Variants in NDST4 observed in about 807,000 individuals in gnomAD.
NDST4 encodes N-heparan sulfate sulfotransferase 4.
A neutral mutation model predicts 100.8 loss-of-function variants in NDST4; 63 were observed. The observed-to-expected ratio is 0.62, with a 90% CI of 0.51 to 0.77. The LOEUF is 0.77. Among genes scored for constraint, NDST4 ranks in the 30% least tolerant of loss-of-function variants. NDST4 has a pLI of 0.00. For missense variants in NDST4, 943 were observed against 1,018.4 expected (o/e 0.93, Z 1.01); for synonymous variants, 377 against 361.8 (o/e 1.04, Z -0.48).
chr4:114,900,219 T>C (rs1056698157), intron 6 of NDST4, among the ~76,000 whole-genome samples: 8 of 132,250 alleles, frequency 6.0e-5, no homozygotes, highest in African/African-American at 2.2e-4. Flanking sequence ...GAATCCTCTC[T>C]TTTTTTTTCT....
intron 6 of NDST4, among the ~76,000 whole-genome samples, chr4:114,872,056 G>T (rs1202843176): frequency 6.6e-6 from 1 of 151,868 alleles, no homozygotes; most frequent in Non-Finnish European, 1.5e-5. Context: ...AAGGGTTTAT[G>T]TTTCTTGGTG....
intron 1 of NDST4, among the ~76,000 whole-genome samples, chr4:115,110,352 C>T (rs1025798384): frequency 7.2e-5 from 11 of 151,922 alleles, no homozygotes; most frequent in African/African-American, 1.7e-4. Context: ...TGGCTGAAGG[C>T]GGTAGCATTG....
At chr4:115,006,031 C>CAAAAAAAAAAAA (rs33988343) in intron 2 of NDST4, among the ~76,000 whole-genome samples, 7 of 99,472 alleles carry the variant, frequency 7.0e-5, no homozygotes, top group Non-Finnish European at 1.0e-4. Context: ...GACTCTATCT[C>CAAAAAAAAAAAA]AAAAAAAAAA....
At position 115,100,524 on chromosome 4, in the gene NDST4, C is replaced by T. The variant is rs757442776; in HGVS notation, c.-247+12920G>A. ...TTTCATGACATTTATATATAACTTT[C>T]TAGCTCTTATAAATTTGTAGCCCTA... On this transcript the variant is annotated intron_variant, in intron 1 of 13. Transcript: ENST00000264363. Among the ~76,000 whole-genome samples the T allele has an allele frequency of 6.6e-5, 10 of 152,180 alleles. No homozygotes were observed. The East Asian group carries it at 9.7e-4, about 15-fold the overall frequency.
At chr4:115,025,210 G>A (rs1350152773) in intron 2 of NDST4, among the ~76,000 whole-genome samples, 1 of 151,846 alleles carries the variant, frequency 6.6e-6, no homozygotes, top group Non-Finnish European at 1.5e-5. Context: ...CAACATGGGA[G>A]GAAGGGAGCT....
At chr4:114,880,338 A>G (rs527338542) in intron 6 of NDST4, among the ~76,000 whole-genome samples, 7 of 152,176 alleles carry the variant, frequency 4.6e-5, no homozygotes, top group Non-Finnish European at 7.4e-5. Flanking sequence ...CCAATTTTAC[A>G]TGATGGGAGA....
intron 2 of NDST4, among the ~76,000 whole-genome samples, chr4:115,074,549 C>T (rs973157061): frequency 6.6e-5 from 10 of 151,956 alleles, no homozygotes; most frequent in Admixed American, 2.6e-4. Flanking sequence ...CTGGATAGAA[C>T]TCAATTGCGG....
rs148429313 is a variant in NDST4 at position 115,093,218 on chromosome 4, G to A, written c.-246-15936C>T. On this transcript the variant is annotated intron_variant, in intron 1 of 13. Coordinates refer to ENST00000264363, the MANE Select transcript of NDST4 (RefSeq NM_022569.3). Reference sequence around the variant, plus strand: ...AACATTAGAGCGGTGGCTCATGCCTGTAATCTCAGCATTTTGGGAGGCCAA... The same window carrying A: ...AACATTAGAGCGGTGGCTCATGCCTATAATCTCAGCATTTTGGGAGGCCAA... 9.8e-3 allele frequency among the ~76,000 whole-genome samples: 1,490 copies of A among 152,274 alleles called. 12 individuals are homozygous for A. The highest frequency in any genetic ancestry group is 0.018 in the Admixed American group (270 of 15,292).
At chr4:115,073,636 A>G (rs1316491318) in intron 2 of NDST4, among the ~76,000 whole-genome samples, 1 of 151,986 alleles carries the variant, frequency 6.6e-6, no homozygotes, top group African/African-American at 2.4e-5. Context: ...AGAGAGTAAA[A>G]TGGTAGTTCC....
chr4:115,070,755 C>A (rs1729057919), intron 2 of NDST4, among the ~76,000 whole-genome samples: 1 of 152,050 alleles, frequency 6.6e-6, no homozygotes, highest in African/African-American at 2.4e-5. Context: ...TTGTAGATAG[C>A]TTAGGCCAAT....
chr4:115,076,431 C>T lies in NDST4; in HGVS notation c.606G>A (p.Leu202=), dbSNP rs1377526652. The T allele has an allele frequency of 6.2e-7, 1 of 1,613,814 alleles. No individual in the cohort carries two copies. The highest frequency in any genetic ancestry group is 8.5e-7 in the Non-Finnish European group (1 of 1,179,966). The change falls in exon 2 of 14, where the codon CTG becomes CTA. Residue 202 remains leucine (L), a synonymous_variant. Transcript: ENST00000264363. Reference sequence around the variant, plus strand: ...CAACCTTGGGGGCTTTGGTAATATGCAGCAAAGGAGATTGAGGGTTAACAA... The same window carrying T: ...CAACCTTGGGGGCTTTGGTAATATGTAGCAAAGGAGATTGAGGGTTAACAA... ...DCFVNPQSPL[L]HITKAPKVEK...
intron 11 of NDST4, 71 bp downstream of exon 11, chr4:114,839,307 A>AT: frequency 7.1e-7 from 1 of 1,400,586 alleles, no homozygotes; most frequent in Non-Finnish European, 9.6e-7. Context: ...ATTTCAGGAC[A>AT]TTATAATAAA....
chr4:114,839,557 A>G lies in NDST4; in HGVS notation c.2116-9T>C, dbSNP rs1267377511. ...TCATGTGATCGTTGGTGCTTTAACA[A>G]GAAAGTCAATTGTAAAGTTAGATTT... On this transcript the variant is annotated splice_polypyrimidine_tract_variant and intron_variant, in intron 10 of 13. Coordinates refer to ENST00000264363, the MANE Select transcript of NDST4 (RefSeq NM_022569.3). The G allele has an allele frequency of 3.7e-6, 6 of 1,612,474 alleles. No individual in the cohort carries two copies. The highest frequency in any genetic ancestry group is 5.1e-6 in the Non-Finnish European group (6 of 1,178,994).
Position 115,076,829 on chromosome 4 carries a change from GTTTAACTGT to G in NDST4, c.199_207del (p.Thr67_Lys69del). 1 of 1,613,870 alleles carries G rather than the reference GTTTAACTGT, an allele frequency of 6.2e-7. No individual in the cohort carries two copies. The highest frequency in any genetic ancestry group is 1.1e-5 in the South Asian group (1 of 91,072). On this transcript the variant is annotated inframe_deletion, in exon 2 of 14. Transcript: ENST00000264363. ...GGGTCCGTTTTGGATGTGTCAATAG[GTTTAACTGT>G]TTTCAGCTCCATTGACCTATATGGT...
chr4:114,909,228 T>C (rs1041636163), intron 6 of NDST4, among the ~76,000 whole-genome samples: 2 of 152,314 alleles, frequency 1.3e-5, no homozygotes, highest in African/African-American at 4.8e-5. Context: ...AAAAAGTTAA[T>C]GTTTTCTCAT....
At chr4:114,914,437 T>C (rs1725126527) in intron 6 of NDST4, among the ~76,000 whole-genome samples, 2 of 152,132 alleles carry the variant, frequency 1.3e-5, no homozygotes, top group South Asian at 4.1e-4. Flanking sequence ...ATCCCATAAA[T>C]ATATATACCT....
intron 1 of NDST4, among the ~76,000 whole-genome samples, chr4:115,087,530 TG>T (rs1226891459): frequency 6.6e-6 from 1 of 151,914 alleles, no homozygotes; most frequent in Non-Finnish European, 1.5e-5. Context: ...TCCTTGACAG[TG>T]GATGGTTTTA....
intron 8 of NDST4, among the ~76,000 whole-genome samples, chr4:114,852,429 G>T (rs1408063501): frequency 6.6e-6 from 1 of 152,036 alleles, no homozygotes; most frequent in Non-Finnish European, 1.5e-5. Context: ...TAAAGATGAG[G>T]TACAACAACT....
rs534299470 is a variant in NDST4 at position 114,908,607 on chromosome 4, G to A, written c.1536+26599C>T. 4.3e-4 allele frequency among the ~76,000 whole-genome samples: 65 copies of A among 152,236 alleles called. 1 individual carries two copies. Among genetic ancestry groups the A allele is most frequent in the African/African-American group, 1.4e-3 (60 of 41,552 alleles). On this transcript the variant is annotated intron_variant, in intron 6 of 13. Transcript: ENST00000264363. ...TTAGCAGCTGCAGGGCACTTGGGTG[G>A]TTTGAATTATGAATTATATTTGAGT...
Sources: gnomAD v4.1 joint callset for allele counts (sites outside exome capture counted in the v4.1 genomes callset) on GRCh38, gnomAD v4.1.1 for gene constraint, MANE v1.5 for transcripts, NCBI Gene and HGNC (gene_info 2026-07-23, HGNC 2026-07-21) for gene names.